The following FBLN2 variants were observed in gnomAD, a reference collection of about 807,000 sequenced individuals.
FBLN2 encodes the protein fibulin 2.
In FBLN2, 81 loss-of-function variants were observed where a neutral mutation model predicts 123.7. The observed-to-expected ratio is 0.65, with a 90% CI of 0.55 to 0.79. The LOEUF is 0.79. Ranked by LOEUF, FBLN2 falls within the 30% of genes least tolerant of loss-of-function variation. FBLN2 has a pLI of 0.00. For synonymous variants in FBLN2, 699 were observed against 701.4 expected (o/e 1.00, Z 0.05); for missense variants, 1,603 against 1,681.3 (o/e 0.95, Z 0.81).
intron 1 of FBLN2, among the ~76,000 whole-genome samples, chr3:13,563,474 A>G (rs1187155557): frequency 6.6e-6 from 1 of 152,150 alleles, no homozygotes; most frequent in Non-Finnish European, 1.5e-5. Flanking sequence ...TGCCCCCCAC[A>G]CTGCATGGCT....
At chr3:13,615,864 C>T (rs902529849) in intron 5 of FBLN2, among the ~76,000 whole-genome samples, 4 of 152,168 alleles carry the variant, frequency 2.6e-5, no homozygotes, top group Admixed American at 1.3e-4. Flanking sequence ...TTATCTAGAC[C>T]CAGTCAGCCT....
At chr3:13,628,660 C>T (rs989732628) in intron 11 of FBLN2, among the ~76,000 whole-genome samples, 1 of 152,220 alleles carries the variant, frequency 6.6e-6, no homozygotes, top group Non-Finnish European at 1.5e-5. Context: ...CTCGATCCCG[C>T]CCTGCCTCCA....
chr3:13,594,243 A>G (rs1457185654), intron 2 of FBLN2, among the ~76,000 whole-genome samples: 1 of 152,106 alleles, frequency 6.6e-6, no homozygotes, highest in Non-Finnish European at 1.5e-5. Flanking sequence ...TTGTTGAAAC[A>G]TGGGCAGAGT....
Position 13,614,021 on chromosome 3 carries a change from G to T in FBLN2, c.1586G>T (p.Arg529Leu), listed in dbSNP as rs111606594. The T allele has an allele frequency of 1.9e-6, 3 of 1,613,088 alleles. No individual in the cohort carries two copies. The African/African-American group carries it at 4.0e-5, about 22-fold the overall frequency. ...CDCCGLGLRV[R>L]AEGQSCESNP... ...TGCTGTGGCCTGGGCCTCCGCGTGC[G>T]GGCCGAGGGCCAGTCGTGTGAGTCC... Residue 529 changes from arginine to leucine, a missense_variant, in exon 5 of 18, where the codon CGG becomes CTG. Transcript: ENST00000404922.
At chr3:13,606,040 TC>T (rs535312339) in intron 2 of FBLN2, among the ~76,000 whole-genome samples, 144 of 151,682 alleles carry the variant, frequency 9.5e-4, no homozygotes, top group African/African-American at 3.3e-3. Context: ...GCTCAAGCCA[TC>T]CTCCCACCCC....
Position 13,626,514 on chromosome 3 carries a change from C to T in FBLN2, c.2366C>T (p.Ser789Phe), listed in dbSNP as rs1268708530. ...GAGCACTGTGTGAACACACTGGGCT[C>T]CTTCCACTGCTACAAGGCACTCACC... ...RGEHCVNTLG[S>F]FHCYKALTCE... The change falls in exon 10 of 18, where the codon TCC (serine) becomes TTC (phenylalanine). Residue 789 changes from serine (S) to phenylalanine (F), a missense_variant. By Grantham distance (155) the Ser-to-Phe change is radical (BLOSUM62 -2). Coordinates refer to ENST00000404922, the MANE Select transcript of FBLN2 (RefSeq NM_001004019.2). 43 of 1,564,460 alleles carry T rather than the reference C, an allele frequency of 2.7e-5. No homozygotes were observed. Among genetic ancestry groups the T allele is most frequent in the Non-Finnish European group, 3.6e-5 (42 of 1,154,360 alleles).
At chr3:13,592,590 C>T (rs1704712309) in intron 2 of FBLN2, among the ~76,000 whole-genome samples, 1 of 152,150 alleles carries the variant, frequency 6.6e-6, no homozygotes, top group African/African-American at 2.4e-5. Flanking sequence ...ATTGACATCT[C>T]AATATTAAGT....
chr3:13,585,494 A>G (rs1250905336), intron 2 of FBLN2, among the ~76,000 whole-genome samples: 2 of 152,168 alleles, frequency 1.3e-5, no homozygotes, highest in Non-Finnish European at 2.9e-5. Context: ...GATATACTCT[A>G]TATGTGATGG....
intron 2 of FBLN2, among the ~76,000 whole-genome samples, chr3:13,582,257 C>T (rs746767765): frequency 3.9e-5 from 6 of 152,180 alleles, no homozygotes; most frequent in South Asian, 2.1e-4. Flanking sequence ...GCAGCAGATG[C>T]GGCTTTCCTG....
intron 2 of FBLN2, among the ~76,000 whole-genome samples, chr3:13,583,379 T>G (rs1574960278): frequency 1.3e-5 from 2 of 152,276 alleles, no homozygotes; most frequent in South Asian, 4.1e-4. Flanking sequence ...TGTCCATGGT[T>G]CCTGAAACCA....
intron 10 of FBLN2, 108 bp from the exon 11 acceptor site, chr3:13,627,723 TG>T: frequency 7.4e-7 from 1 of 1,355,396 alleles, no homozygotes; most frequent in Non-Finnish European, 9.8e-7. Context: ...GGGAGATCTT[TG>T]TGGCCATCAG....
At chr3:13,611,588 A>ATG (rs1428130144) in intron 4 of FBLN2, among the ~76,000 whole-genome samples, 2 of 152,198 alleles carry the variant, frequency 1.3e-5, no homozygotes, top group Admixed American at 6.5e-5. Context: ...CATCCATGCC[A>ATG]TGTGTAGCAA....
chr3:13,631,335 A>G lies in FBLN2; in HGVS notation c.3092A>G (p.Asp1031Gly). The change falls in exon 16 of 18, where the codon GAC becomes GGC. Residue 1031 changes from aspartate (D) to glycine (G), a missense_variant. Physicochemically the swap from Asp to Gly is moderately conservative, Grantham distance 94. Transcript: ENST00000404922. ...CTGAACCTCTCTCTGACAGACATCGACGAGTGTGCTCAAGGCGCCGGCATC... is the reference window on the plus strand; with the variant it reads ...CTGAACCTCTCTCTGACAGACATCGGCGAGTGTGCTCAAGGCGCCGGCATC... Reference protein sequence around the residue: ...AEDGHTCTDIDECAQGAGILC... With the variant: ...AEDGHTCTDIGECAQGAGILC... 1 of 1,602,686 alleles carries G rather than the reference A, an allele frequency of 6.2e-7. No individual in the cohort carries two copies. The highest frequency in any genetic ancestry group is 8.5e-7 in the Non-Finnish European group (1 of 1,175,240).
chr3:13,583,113 C>T, intron 2 of FBLN2, among the ~76,000 whole-genome samples: 1 of 152,270 alleles, frequency 6.6e-6, no homozygotes, highest in East Asian at 1.9e-4. Context: ...CCTCCTTCAG[C>T]CATACTGCCT....
chr3:13,620,539 G>A (rs1400284553), intron 8 of FBLN2, among the ~76,000 whole-genome samples: 5 of 152,200 alleles, frequency 3.3e-5, no homozygotes, highest in African/African-American at 1.2e-4. Flanking sequence ...TTGTCTTTGT[G>A]GGGCCTCTGT....
At chr3:13,561,249 T>C (rs1303620730) in intron 1 of FBLN2, among the ~76,000 whole-genome samples, 1 of 152,238 alleles carries the variant, frequency 6.6e-6, no homozygotes, top group Non-Finnish European at 1.5e-5. Context: ...AAGGGGTGTC[T>C]ACAGTCTGTT....
intron 1 of FBLN2, 46 bp from the exon 2 acceptor site, chr3:13,570,269 T>G: frequency 4.2e-6 from 6 of 1,440,576 alleles, no homozygotes; most frequent in Non-Finnish European, 5.5e-6. Context: ...ACCGTGTCTG[T>G]GTGTGCACAC....
intron 2 of FBLN2, among the ~76,000 whole-genome samples, chr3:13,593,236 A>C (rs1214243642): frequency 6.6e-6 from 1 of 152,188 alleles, no homozygotes; most frequent in African/African-American, 2.4e-5. Flanking sequence ...GGAGGGTTGG[A>C]TCTTCATTGG....
chr3:13,607,379 G>A (rs1024517192), intron 2 of FBLN2, among the ~76,000 whole-genome samples: 11 of 152,154 alleles, frequency 7.2e-5, no homozygotes, highest in Non-Finnish European at 1.3e-4. Flanking sequence ...CAGTGGAAGT[G>A]GACCATCATA....
Sources: allele counts gnomAD v4.1 joint callset (sites outside exome capture counted in the v4.1 genomes callset), GRCh38; gene constraint gnomAD v4.1.1; transcripts MANE v1.5; gene names NCBI Gene and HGNC (gene_info 2026-07-23, HGNC 2026-07-21).